The following NKAIN3 variants were observed in gnomAD, a reference collection of about 807,000 sequenced individuals.
NKAIN3 encodes sodium/potassium-transporting ATPase subunit beta-1-interacting protein 3.
Under a neutral mutation model 30.2 loss-of-function variants are expected in NKAIN3, and 25 were observed. The ratio of observed to expected loss-of-function variants is 0.83; its 90% CI spans 0.60 to 1.16. The LOEUF (loss-of-function observed/expected upper bound fraction) is 1.16. Ranked by LOEUF, NKAIN3 falls within the 50% of genes most tolerant of loss-of-function variation. The probability of loss-of-function intolerance (pLI) is 0.00; values close to 1 mark genes in which losing one functional copy is unlikely to be tolerated. For synonymous variants in NKAIN3, 91 were observed against 89.6 expected (o/e 1.02, Z -0.09); for missense variants, 225 against 254.1 (o/e 0.89, Z 0.78).
At chr8:62,675,314 T>G (rs1243516963) in intron 3 of NKAIN3, among the ~76,000 whole-genome samples, 1 of 152,216 alleles carries the variant, frequency 6.6e-6, no homozygotes, top group East Asian at 1.9e-4. Context: ...ATTCATGATC[T>G]ATACACCCAT....
At chr8:62,997,208 G>GA (rs1804137075) in intron 5 of NKAIN3, among the ~76,000 whole-genome samples, 1 of 152,052 alleles carries the variant, frequency 6.6e-6, no homozygotes, top group Non-Finnish European at 1.5e-5. Flanking sequence ...CCCAGCTTTG[G>GA]AAAAAAGTTG....
intron 1 of NKAIN3, among the ~76,000 whole-genome samples, chr8:62,328,459 A>C (rs1426160339): frequency 2.0e-5 from 3 of 151,994 alleles, no homozygotes; most frequent in East Asian, 1.9e-4. Flanking sequence ...TGGGTAGCAA[A>C]ATTTGTTTGG....
At chr8:62,901,850 A>G (rs1821623640) in intron 4 of NKAIN3, among the ~76,000 whole-genome samples, 1 of 152,216 alleles carries the variant, frequency 6.6e-6, no homozygotes, top group Admixed American at 6.5e-5. Context: ...GAGGGGCTGA[A>G]CAGTCTACTG....
At chr8:62,534,860 G>T (rs75038747) in intron 1 of NKAIN3, among the ~76,000 whole-genome samples, 1 of 145,668 alleles carries the variant, frequency 6.9e-6, no homozygotes, top group Admixed American at 6.8e-5. Flanking sequence ...TGCATTTATT[G>T]GTTTTTTTTT....
chr8:62,650,795 G>A (rs1050447871), intron 3 of NKAIN3, among the ~76,000 whole-genome samples: 1 of 152,108 alleles, frequency 6.6e-6, no homozygotes, highest in Non-Finnish European at 1.5e-5. Context: ...TTGCATAGAT[G>A]AGGATAGAAA....
intron 1 of NKAIN3, among the ~76,000 whole-genome samples, chr8:62,353,796 G>A (rs917714029): frequency 1.3e-5 from 2 of 152,124 alleles, no homozygotes; most frequent in East Asian, 1.9e-4. Flanking sequence ...TAACTTTTTT[G>A]TGACTAATAT....
intron 4 of NKAIN3, among the ~76,000 whole-genome samples, chr8:62,847,535 T>G (rs971226404): frequency 1.3e-5 from 2 of 152,164 alleles, no homozygotes; most frequent in African/African-American, 4.8e-5. Context: ...TGGAGTTGTT[T>G]GGTTTTCTCT....
chr8:62,952,662 T>C (rs1261546873), intron 5 of NKAIN3, among the ~76,000 whole-genome samples: 2 of 152,170 alleles, frequency 1.3e-5, no homozygotes, highest in Admixed American at 1.3e-4. Flanking sequence ...AAAACTTAAA[T>C]TGATTATTCA....
At chr8:62,818,401 A>C (rs115460631) in intron 4 of NKAIN3, among the ~76,000 whole-genome samples, 2 of 152,172 alleles carry the variant, frequency 1.3e-5, no homozygotes, top group South Asian at 4.1e-4. Flanking sequence ...GGCAGTTCTG[A>C]GGAAAAACAA....
chr8:62,481,389 G>A (rs1046458276), intron 1 of NKAIN3, among the ~76,000 whole-genome samples: 18 of 151,970 alleles, frequency 1.2e-4, no homozygotes, highest in African/African-American at 4.4e-4. Context: ...GCCTCGAGCT[G>A]GATTATGTAT....
intron 1 of NKAIN3, among the ~76,000 whole-genome samples, chr8:62,481,777 G>A (rs1286403895): frequency 6.6e-6 from 1 of 152,162 alleles, no homozygotes; most frequent in Admixed American, 6.5e-5. Flanking sequence ...TATGCTTTGA[G>A]ATACAATTAA....
intron 3 of NKAIN3, among the ~76,000 whole-genome samples, chr8:62,732,158 C>T (rs974668786): frequency 2.0e-5 from 3 of 151,898 alleles, no homozygotes; most frequent in Non-Finnish European, 4.4e-5. Context: ...ACCCAAAAGT[C>T]GTAACTAGGA....
chr8:62,751,690 A>ATG (rs1346410140), intron 4 of NKAIN3, among the ~76,000 whole-genome samples: 11 of 152,180 alleles, frequency 7.2e-5, no homozygotes, highest in African/African-American at 2.4e-4. Flanking sequence ...ATAACTTCAG[A>ATG]TGTATACATA....
intron 4 of NKAIN3, among the ~76,000 whole-genome samples, chr8:62,797,650 G>C (rs1044581215): frequency 2.6e-5 from 4 of 152,122 alleles, no homozygotes; most frequent in Non-Finnish European, 5.9e-5. Flanking sequence ...ATTAAAAATT[G>C]TAACCAGCAA....
intron 5 of NKAIN3, among the ~76,000 whole-genome samples, chr8:62,935,637 T>C (rs961871460): frequency 8.5e-5 from 13 of 152,220 alleles, no homozygotes; most frequent in African/African-American, 2.9e-4. Flanking sequence ...CTAAAAAAGA[T>C]CGATATACAT....
At chr8:62,985,016 A>AC (rs1160866585), downstream of NKAIN3, 2 of 152,164 alleles carry the variant, frequency 1.3e-5, no homozygotes, top group Non-Finnish European at 2.9e-5. Context: ...TTGGAGGATT[A>AC]CCCCCCTATT....
At chr8:62,880,478 G>A (rs1232365372) in intron 4 of NKAIN3, among the ~76,000 whole-genome samples, 1 of 152,216 alleles carries the variant, frequency 6.6e-6, no homozygotes, top group African/African-American at 2.4e-5. Context: ...AACTTAGCAT[G>A]AAGTGAAGGG....
intron 4 of NKAIN3, among the ~76,000 whole-genome samples, chr8:62,754,649 T>G (rs550572093): frequency 2.4e-4 from 37 of 152,316 alleles, no homozygotes; most frequent in African/African-American, 8.4e-4. Flanking sequence ...CCCTATGCCT[T>G]TTGCATTGTA....
chr8:62,902,080 C>A (rs1461977015), intron 4 of NKAIN3, among the ~76,000 whole-genome samples: 1 of 152,174 alleles, frequency 6.6e-6, no homozygotes, highest in Non-Finnish European at 1.5e-5. Context: ...GCTCTGCCAT[C>A]CACTGCCTCC....
Sources: allele counts gnomAD v4.1 joint callset (sites outside exome capture counted in the v4.1 genomes callset), GRCh38; gene constraint gnomAD v4.1.1; transcripts MANE v1.5; gene names NCBI Gene and HGNC (gene_info 2026-07-23, HGNC 2026-07-21).